The following SASH1 variants were observed in gnomAD, a reference collection of about 807,000 sequenced individuals.
SASH1 encodes the protein SAM and SH3 domain-containing protein 1.
In SASH1, 44 loss-of-function variants were observed where a neutral mutation model predicts 125.2. The ratio of observed to expected loss-of-function variants is 0.35; its 90% CI spans 0.28 to 0.45. SASH1 has a LOEUF of 0.45. Ranked by LOEUF, SASH1 falls within the 20% of genes least tolerant of loss-of-function variation. The pLI is 1.00. For missense variants in SASH1, 1,426 were observed against 1,614.5 expected (o/e 0.88, Z 2.00); for synonymous variants, 639 against 649.1 (o/e 0.98, Z 0.24).
intron 1 of SASH1, among the ~76,000 whole-genome samples, chr6:148,319,022 CTTTTTTTTTTTTTT>C (rs10695657): frequency 3.0e-5 from 2 of 66,648 alleles, no homozygotes; most frequent in African/African-American, 6.1e-5. Flanking sequence ...CATTTATCTT[CTTTTTTTTTTTTTT>C]TTTTTTTTTT....
chr6:148,494,211 C>T (rs1562457039), intron 8 of SASH1, among the ~76,000 whole-genome samples: 1 of 152,032 alleles, frequency 6.6e-6, no homozygotes, highest in African/African-American at 2.4e-5. Flanking sequence ...CATTTGATGG[C>T]AATCTTATTT....
chr6:148,354,668 A>C (rs936262797), intron 1 of SASH1, among the ~76,000 whole-genome samples: 33 of 152,222 alleles, frequency 2.2e-4, no homozygotes, highest in African/African-American at 7.0e-4. Flanking sequence ...AAACTTGACC[A>C]CACATTTCAG....
chr6:148,532,211 G>C lies in SASH1; in HGVS notation c.1564+550G>C, dbSNP rs999607133. 1.3e-5 allele frequency among the ~76,000 whole-genome samples: 2 copies of C among 152,074 alleles called. No individual in the cohort carries two copies. The highest frequency in any genetic ancestry group is 2.4e-5 in the African/African-American group (1 of 41,392). ...TCCTGCCTCAGCCTTCCGCATAGCT[G>C]TACTACAGGGTCATGCCACCACACC... is the stretch of plus-strand genomic sequence containing the variant. On this transcript the variant is annotated intron_variant, in intron 13 of 19. Coordinates refer to ENST00000367467, the MANE Select transcript of SASH1 (RefSeq NM_015278.5). The surrounding 1 kb of genome is among the most constrained non-coding windows in gnomAD (Gnocchi z 4.7).
the SASH1 span, among the ~76,000 whole-genome samples, chr6:148,215,021 C>T: frequency 4.6e-5 from 7 of 152,124 alleles, no homozygotes; most frequent in Non-Finnish European, 8.8e-5. Context: ...CTGGCGGGCT[C>T]GTTCCTATCA....
At chr6:148,421,166 AAAG>A (rs1785065676) in intron 2 of SASH1, among the ~76,000 whole-genome samples, 3 of 109,646 alleles carry the variant, frequency 2.7e-5, no homozygotes, top group Non-Finnish European at 6.2e-5. Flanking sequence ...AGAAAGAAAG[AAAG>A]AAAGAAAGAA....
intron 1 of SASH1, among the ~76,000 whole-genome samples, chr6:148,356,962 T>C (rs1781969060): frequency 6.6e-6 from 1 of 152,248 alleles, no homozygotes; most frequent in African/African-American, 2.4e-5. Context: ...TTTCCTTTGT[T>C]TGTTGGCCGT....
At chr6:148,274,144 T>C (rs912967077) in intron 1 of SASH1, among the ~76,000 whole-genome samples, 1 of 152,140 alleles carries the variant, frequency 6.6e-6, no homozygotes, top group African/African-American at 2.4e-5. Flanking sequence ...ATATGAGTTG[T>C]GAGAGGTAAC....
chr6:148,243,460 A>AATAATAAT, the SASH1 span, among the ~76,000 whole-genome samples: 1 of 144,186 alleles, frequency 6.9e-6, no homozygotes, highest in Non-Finnish European at 1.5e-5. Flanking sequence ...AAATAATAAT[A>AATAATAAT]ATAATAATAA....
upstream of SASH1, among the ~76,000 whole-genome samples, chr6:148,339,746 T>A (rs752874301): frequency 6.6e-6 from 1 of 151,908 alleles, no homozygotes; most frequent in Non-Finnish European, 1.5e-5. Flanking sequence ...GGTTTTGTCA[T>A]GTTGGCCAGG....
At position 148,358,659 on chromosome 6, in the gene SASH1, C is replaced by T. The variant is rs954751175; in HGVS notation, c.156+15436C>T. 2.6e-5 allele frequency among the ~76,000 whole-genome samples: 4 copies of T among 150,950 alleles called. No homozygotes were observed. The East Asian group carries it at 5.8e-4, about 22-fold the overall frequency. On this transcript the variant is annotated intron_variant, in intron 1 of 19. Transcript: ENST00000367467. Reference sequence around the variant, plus strand: ...AGAAGTGATTACCTTTATTGTTTTGCGTTAAATTTAAGTCACCCCTCCTTA... The same window carrying T: ...AGAAGTGATTACCTTTATTGTTTTGTGTTAAATTTAAGTCACCCCTCCTTA...
rs1411564544 is a variant in SASH1, at chr6:148,298,878, AG to A, written n.74+26504del. Among the ~76,000 whole-genome samples the A allele has an allele frequency of 1.3e-4, 17 of 132,836 alleles. 1 individual carries two copies. Among genetic ancestry groups the A allele is most frequent in the African/African-American group, 3.8e-4 (14 of 36,856 alleles). 87.1% of individuals were successfully genotyped at this position (132,836 alleles called of 152,430 possible). A position where few individuals can be genotyped will look rare whatever the true frequency, so the allele number is the denominator to read the frequency against. On this transcript the variant is annotated intron_variant and non_coding_transcript_variant, in intron 1 of 3. Transcript: ENST00000367469. Reference sequence around the variant, plus strand: ...AAGGGAAGGAGGGAGGGAAGTAAGGAGGGAGGGAGGGAGGGAAGGAAGAAAG... The same window carrying A: ...AAGGGAAGGAGGGAGGGAAGTAAGGAGGAGGGAGGGAGGGAAGGAAGAAAG...
At chr6:148,407,632 A>AT (rs1562386854) in intron 2 of SASH1, among the ~76,000 whole-genome samples, 3 of 151,884 alleles carry the variant, frequency 2.0e-5, no homozygotes, top group South Asian at 4.2e-4. Context: ...TCTACTTTTA[A>AT]TTTTTTTGTT....
the SASH1 span, among the ~76,000 whole-genome samples, chr6:148,208,955 TA>T: frequency 2.6e-5 from 4 of 152,262 alleles, no homozygotes; most frequent in African/African-American, 9.6e-5. Context: ...TTTGCATCTT[TA>T]AAAATAAGGC....
At chr6:148,214,249 T>G in the SASH1 span, among the ~76,000 whole-genome samples, 1 of 152,212 alleles carries the variant, frequency 6.6e-6, no homozygotes, top group South Asian at 2.1e-4. Context: ...GCGTGCATGT[T>G]GACGTGAAGT....
the SASH1 span, among the ~76,000 whole-genome samples, chr6:148,247,872 T>C: frequency 6.6e-6 from 1 of 152,242 alleles, no homozygotes; most frequent in African/African-American, 2.4e-5. Flanking sequence ...TGGGAAACCC[T>C]AGACCTCCTC....
the SASH1 span, among the ~76,000 whole-genome samples, chr6:148,249,328 G>GTA: frequency 5.5e-4 from 1 of 1,806 alleles, no homozygotes; most frequent in Non-Finnish European, 9.0e-4. Context: ...ATGTGCACGT[G>GTA]TGTGTGTGTG....
chr6:148,303,516 G>A (rs1452246430), intron 1 of SASH1, among the ~76,000 whole-genome samples: 1 of 152,130 alleles, frequency 6.6e-6, no homozygotes, highest in Non-Finnish European at 1.5e-5. Context: ...TTACTCCTAG[G>A]CTGGGCGCAG....
the SASH1 span, among the ~76,000 whole-genome samples, chr6:148,222,418 G>A: frequency 2.8e-4 from 42 of 152,212 alleles, 1 homozygote; most frequent in South Asian, 8.3e-3. Flanking sequence ...AGGCTCCTAA[G>A]CTGGAAAGGA....
At chr6:148,417,083 T>C (rs189608689) in intron 2 of SASH1, among the ~76,000 whole-genome samples, 11 of 152,298 alleles carry the variant, frequency 7.2e-5, no homozygotes, top group Non-Finnish European at 1.6e-4. Flanking sequence ...TCACTGAACA[T>C]GGATGGGGTG....
Sources: allele counts gnomAD v4.1 joint callset (sites outside exome capture counted in the v4.1 genomes callset), GRCh38; gene constraint gnomAD v4.1.1; non-coding constraint Gnocchi (gnomAD v3.1); transcripts MANE v1.5; gene names NCBI Gene and HGNC (gene_info 2026-07-23, HGNC 2026-07-21).